Variants in SLC5A9 observed in about 807,000 individuals in gnomAD.
SLC5A9 encodes the protein solute carrier family 5 member 9, also known as sodium/glucose cotransporter 4.
A neutral mutation model predicts 70.9 loss-of-function variants in SLC5A9; 59 were observed. The ratio of observed to expected loss-of-function variants is 0.83; its 90% CI spans 0.68 to 1.03. The LOEUF is 1.03. Among genes scored for constraint, SLC5A9 ranks in the 50% least tolerant of loss-of-function variants. The pLI, the probability that SLC5A9 is intolerant of heterozygous loss-of-function variation, is 0.00. For missense variants in SLC5A9, 832 were observed against 881.1 expected, an observed-to-expected ratio of 0.94 and a Z score of 0.71; for synonymous variants, 340 against 346.5, an observed-to-expected ratio of 0.98 and a Z score of 0.21.
Position 48,239,387 on chromosome 1 carries a change from A to G in SLC5A9, c.1527A>G (p.Ser509=). 6.2e-7 allele frequency: 1 copy of G among 1,614,166 alleles called. No homozygotes were observed. Among genetic ancestry groups the G allele is most frequent in the South Asian group, 1.1e-5 (1 of 91,074 alleles). The change falls in exon 12 of 14, where the codon TCA becomes TCG. Residue 509 remains serine, a synonymous_variant. Transcript: ENST00000438567. The surrounding 1 kb of genome is among the most constrained non-coding windows in gnomAD (Gnocchi z 4.2). ...TTCTGCGTATGATCCTGGAGTTCTC[A>G]TACCCAGCGCCAGCCTGTGGGGAGG... is the stretch of plus-strand genomic sequence containing the variant. The part of the protein sequence containing the change: ...VGLLRMILEF[S]YPAPACGEVD...
In SLC5A9 at chr1:48,237,741, AC is replaced by A; in HGVS notation, c.1356del (p.Asn452LysfsTer53). The A allele has an allele frequency of 1.9e-6, 3 of 1,613,980 alleles. No individual in the cohort carries two copies. Among genetic ancestry groups the A allele is most frequent in the Non-Finnish European group, 2.5e-6 (3 of 1,179,984 alleles). On this transcript the variant is annotated frameshift_variant, in exon 11 of 14. Coordinates refer to ENST00000438567, the MANE Select transcript of SLC5A9 (RefSeq NM_001011547.3). LOFTEE classifies it high-confidence loss of function. The part of the protein sequence containing the change: ...ILWIPIIQSS[N>X]SGQLFDYIQA... The stretch of plus-strand genomic sequence containing the variant: ...TGGATCCCCATCATCCAAAGCTCCA[AC>A]AGTGGGCAGCTCTTCGACTACATCC...
At chr1:48,228,776 T>A in intron 2 of SLC5A9, 74 bp from the exon 3 acceptor site, 1 of 1,589,458 alleles carries the variant, frequency 6.3e-7, no homozygotes, top group Non-Finnish European at 8.6e-7. Context: ...AGCTCCTCAC[T>A]ACTCATGGTC....
intron 9 of SLC5A9, 58 bp downstream of exon 9, chr1:48,233,820 C>T: frequency 3.1e-6 from 4 of 1,279,216 alleles, no homozygotes; most frequent in Non-Finnish European, 4.5e-6. Context: ...CTCCAATCTC[C>T]ACTGCCCAGG....
intron 2 of SLC5A9, among the ~76,000 whole-genome samples, chr1:48,225,795 C>T (rs559970486): frequency 1.4e-4 from 22 of 152,286 alleles, no homozygotes; most frequent in African/African-American, 4.6e-4. Context: ...CTCTCACTCT[C>T]ATACACACTG....
At position 48,231,397 on chromosome 1, in the gene SLC5A9, G is replaced by A. The variant is rs143315576; in HGVS notation, c.611-148G>A. 1.2e-3 allele frequency: 1,196 copies of A among 976,414 alleles called. 2 individuals carry two copies. Among genetic ancestry groups the A allele is most frequent in the South Asian group, 2.1e-3 (124 of 58,284 alleles). 60.5% of individuals were successfully genotyped at this position (976,414 alleles called of 1,614,324 possible). A position where few individuals can be genotyped will look rare whatever the true frequency, so the allele number is the denominator to read the frequency against. On this transcript the variant is annotated intron_variant, in intron 5 of 13. Transcript: ENST00000438567. The stretch of plus-strand genomic sequence containing the variant: ...CGGGGAGGGAGAGAGGGGAACACTA[G>A]GTGCGGAGAAAGGCAGTGGCCAGAG...
At chr1:48,224,477 G>A (rs377728803) in intron 1 of SLC5A9, among the ~76,000 whole-genome samples, 1 of 152,206 alleles carries the variant, frequency 6.6e-6, no homozygotes, top group Admixed American at 6.5e-5. Context: ...CGTGACATCC[G>A]TTACCTCCTT....
At chr1:48,234,222 G>T (rs187941289) in intron 9 of SLC5A9, among the ~76,000 whole-genome samples, 1 of 152,220 alleles carries the variant, frequency 6.6e-6, no homozygotes, top group Non-Finnish European at 1.5e-5. Flanking sequence ...GAAGCTGTGC[G>T]TGCAAAGGCC....
chr1:48,231,769 G>C, intron 6 of SLC5A9, 144 bp downstream of exon 6: 1 of 1,506,940 alleles, frequency 6.6e-7, no homozygotes, highest in Non-Finnish European at 8.9e-7. Context: ...AGCTCCCAAA[G>C]AGCAGGGTTC....
At position 48,245,389 on chromosome 1, in the gene SLC5A9, G is replaced by C. The variant is rs1644449448; in HGVS notation, c.1838-1946G>C. 2.0e-5 allele frequency among the ~76,000 whole-genome samples: 3 copies of C among 152,096 alleles called. No homozygotes were observed. In the South Asian group the frequency reaches 6.2e-4, roughly 32 times the overall value. ...GCCAAGGGACAGAGTAGTCCCTGGA[G>C]AAGCCAAGAGAAATGCCTGCTCCCT... is the stretch of plus-strand genomic sequence containing the variant. On this transcript the variant is annotated intron_variant, in intron 13 of 13. Coordinates refer to ENST00000438567, the MANE Select transcript of SLC5A9 (RefSeq NM_001011547.3).
intron 2 of SLC5A9, among the ~76,000 whole-genome samples, chr1:48,227,178 T>A (rs1002294877): frequency 2.3e-5 from 2 of 85,940 alleles, no homozygotes; most frequent in African/African-American, 7.0e-5. Flanking sequence ...TGTGTGTGCG[T>A]GTGTGTGTGT....
chr1:48,233,033 A>G, intron 8 of SLC5A9, among the ~76,000 whole-genome samples: 1 of 133,282 alleles, frequency 7.5e-6, no homozygotes, highest in Non-Finnish European at 1.6e-5. Context: ...GGAGGGAGGG[A>G]GGGAAAGGAA....
At chr1:48,227,134 C>A (rs1014162498) in intron 2 of SLC5A9, among the ~76,000 whole-genome samples, 4 of 146,028 alleles carry the variant, frequency 2.7e-5, no homozygotes, top group Non-Finnish European at 5.9e-5. Flanking sequence ...TGTATGTGTG[C>A]GACGGTGCAA....
chr1:48,244,853 TGTGTGTGTG>T (rs2148590608), intron 13 of SLC5A9, among the ~76,000 whole-genome samples: 1 of 78,422 alleles, frequency 1.3e-5, no homozygotes, highest in African/African-American at 5.8e-5. Context: ...ATATAAAACC[TGTGTGTGTG>T]TATGTATGTG....
intron 7 of SLC5A9, 23 bp downstream of exon 7, chr1:48,232,174 C>T: frequency 6.3e-7 from 1 of 1,594,644 alleles, no homozygotes; most frequent in Non-Finnish European, 8.6e-7. Flanking sequence ...CCAGGCTTAG[C>T]CCAGCCTGCC....
At chr1:48,245,502 A>G (rs1050017786) in intron 13 of SLC5A9, among the ~76,000 whole-genome samples, 3 of 152,012 alleles carry the variant, frequency 2.0e-5, no homozygotes, top group Non-Finnish European at 4.4e-5. Context: ...TTCACAGACC[A>G]CCACCATGAG....
rs1644476141 is a variant in SLC5A9, at chr1:48,247,770, G to A, written c.*227G>A. On this transcript the variant is annotated 3_prime_UTR_variant, in exon 14 of 14. Transcript: ENST00000438567. ...CAGGACCACCCAGAAGGTGTCACAC[G>A]GGGTTTCCCCACTCTTTCTGATATA... 6 of 580,786 alleles carry A rather than the reference G, an allele frequency of 1.0e-5. No individual in the cohort carries two copies. Among genetic ancestry groups the A allele is most frequent in the South Asian group, 8.5e-5 (4 of 47,266 alleles). 36.0% of individuals were successfully genotyped at this position (580,786 alleles called of 1,614,324 possible).
At chr1:48,228,568 G>T (rs1032127111) in intron 2 of SLC5A9, 4 of 403,180 alleles carry the variant, frequency 9.9e-6, no homozygotes, top group Admixed American at 7.9e-5. Flanking sequence ...CCACTTCCAG[G>T]CTTCCTTCCC....
At chr1:48,243,108 G>A (rs991337660) in intron 13 of SLC5A9, among the ~76,000 whole-genome samples, 1 of 152,092 alleles carries the variant, frequency 6.6e-6, no homozygotes, top group Admixed American at 6.5e-5. Flanking sequence ...CACCCACGGT[G>A]TTTCCTCCAC....
intron 3 of SLC5A9, 40 bp downstream of exon 3, chr1:48,228,994 C>T (rs759847393): frequency 1.2e-6 from 2 of 1,613,178 alleles, no homozygotes; most frequent in Non-Finnish European, 1.7e-6. Context: ...TACTGAGGGT[C>T]TAACCCACCT....
Sources: allele counts gnomAD v4.1 joint callset (sites outside exome capture counted in the v4.1 genomes callset), GRCh38; gene constraint gnomAD v4.1.1; non-coding constraint Gnocchi (gnomAD v3.1); transcripts MANE v1.5; gene names NCBI Gene and HGNC (gene_info 2026-07-23, HGNC 2026-07-21).